Variants in TIMM44 observed in about 807,000 individuals in gnomAD.
TIMM44 encodes the protein translocase of inner mitochondrial membrane 44, also known as mitochondrial import inner membrane translocase subunit TIM44.
In TIMM44, 37 loss-of-function variants were observed where a neutral mutation model predicts 63.8. That is an observed-to-expected ratio of 0.58 (90% CI 0.45 to 0.76). The LOEUF (loss-of-function observed/expected upper bound fraction) is 0.76, where lower values mean the gene tolerates loss of function less well. Among genes scored for constraint, TIMM44 ranks in the 30% least tolerant of loss-of-function variants. The pLI is 0.00. For synonymous variants in TIMM44, 239 were observed against 245.1 expected (o/e 0.98, Z 0.23); for missense variants, 573 against 603.8 (o/e 0.95, Z 0.54).
intron 2 of TIMM44, among the ~76,000 whole-genome samples, chr19:7,940,173 C>T (rs1173035935): frequency 6.6e-6 from 1 of 150,380 alleles, no homozygotes; most frequent in African/African-American, 2.5e-5. Flanking sequence ...TTCAAGGCTG[C>T]AGTGAGCCGT....
rs773896895 is a variant in TIMM44 at position 7,934,079 on chromosome 19, C to A, written c.543+10G>T. ...CCAGGCTGCATGCCCTAGCCCAGGA[C>A]TGGGCTCACCTGGGAGAGGGCTCTG... On this transcript the variant is annotated intron_variant, in intron 5 of 12. Transcript: ENST00000270538. This position sits in a 1 kb window ranked among gnomAD's most constrained non-coding sequence, Gnocchi z 5.3. The A allele has an allele frequency of 1.9e-6, 3 of 1,613,286 alleles. No individual in the cohort carries two copies. The highest frequency in any genetic ancestry group is 2.5e-6 in the Non-Finnish European group (3 of 1,179,980).
chr19:7,935,006 T>TCCAGCGGCCAGGGGACTTTGATGGCC, intron 4 of TIMM44, 59 bp downstream of exon 4: 1 of 1,513,082 alleles, frequency 6.6e-7, no homozygotes, highest in Admixed American at 1.8e-5. Flanking sequence ...TCCTCCAGCC[T>TCCAGCGGCCAGGGGACTTTGATGGCC]CCAGCGGCCA....
Position 7,928,178 on chromosome 19 carries a change from G to A in TIMM44, c.1039-12C>T. On this transcript the variant is annotated splice_polypyrimidine_tract_variant and intron_variant, in intron 10 of 12. Coordinates refer to ENST00000270538, the MANE Select transcript of TIMM44 (RefSeq NM_006351.4). ...AGCTGGCTGTAAGTCTGCAATGAGAGGCCGACACGCCTGCGTGATGCCACC... is the reference window on the plus strand; with the variant it reads ...AGCTGGCTGTAAGTCTGCAATGAGAAGCCGACACGCCTGCGTGATGCCACC... 1.2e-6 allele frequency: 2 copies of A among 1,611,546 alleles called. No individual in the cohort carries two copies. The highest frequency in any genetic ancestry group is 1.1e-5 in the South Asian group (1 of 90,814).
chr19:7,941,101 C>A lies in TIMM44; in HGVS notation c.141+1G>T, dbSNP rs1402253570. On this transcript the variant is annotated splice_donor_variant, in intron 2 of 12. Transcript: ENST00000270538. LOFTEE classifies it high-confidence loss of function. Reference sequence around the variant, plus strand: ...TGGCCCGAGCATCCTGAGTCACTCACCAGTGGCAGCTCTCCGCCCGGCCGG... The same window carrying A: ...TGGCCCGAGCATCCTGAGTCACTCAACAGTGGCAGCTCTCCGCCCGGCCGG... 2 of 1,613,504 alleles carry A rather than the reference C, an allele frequency of 1.2e-6. No homozygotes were observed. Among genetic ancestry groups the A allele is most frequent in the Non-Finnish European group, 1.7e-6 (2 of 1,179,562 alleles).
chr19:7,927,899 G>A (rs879308941), intron 11 of TIMM44, 132 bp from the exon 12 acceptor site: 176 of 1,124,276 alleles, frequency 1.6e-4, no homozygotes, highest in Non-Finnish European at 1.9e-4. Context: ...CCCTCCCCGT[G>A]GGCCTTGCCT....
In TIMM44 at chr19:7,934,477, TGAGCACACCGGC is replaced by T. The variant is rs1568296712; in HGVS notation, c.394-251_394-240del. ...GAGCACACCGGCACCCCCAGAGCCA[TGAGCACACCGGC>T]ACCCCCAGAGCCATGAGCACACCGC... On this transcript the variant is annotated intron_variant, in intron 4 of 12. Transcript: ENST00000270538. This position sits in a 1 kb window ranked among gnomAD's most constrained non-coding sequence, Gnocchi z 5.3. Among the ~76,000 whole-genome samples the T allele has an allele frequency of 7.7e-6, 1 of 130,672 alleles. No homozygotes were observed. Among genetic ancestry groups the T allele is most frequent in the African/African-American group, 2.7e-5 (1 of 37,148 alleles). 85.7% of individuals were successfully genotyped at this position (130,672 alleles called of 152,430 possible).
At chr19:7,940,271 G>A (rs1012467673) in intron 2 of TIMM44, among the ~76,000 whole-genome samples, 2 of 151,760 alleles carry the variant, frequency 1.3e-5, no homozygotes, top group Non-Finnish European at 2.9e-5. Flanking sequence ...CCCAGGACAG[G>A]TGGCCAGGCC....
intron 1 of TIMM44, among the ~76,000 whole-genome samples, chr19:7,941,449 G>A (rs1004178113): frequency 4.6e-5 from 7 of 151,790 alleles, no homozygotes; most frequent in South Asian, 2.1e-4. Context: ...CATCACATCC[G>A]GCTAATATTT....
intron 9 of TIMM44, chr19:7,932,423 G>A (rs1984012276): frequency 1.6e-6 from 1 of 644,272 alleles, no homozygotes; most frequent in Non-Finnish European, 2.7e-6. Flanking sequence ...AGGTACCGGA[G>A]GTGCCGGTAA....
chr19:7,929,683 C>T (rs904447130), intron 10 of TIMM44, among the ~76,000 whole-genome samples: 5 of 151,176 alleles, frequency 3.3e-5, no homozygotes, highest in Admixed American at 3.3e-4. Context: ...CCCCACTTGA[C>T]TCCCAGCCCC....
chr19:7,934,060 T>G lies in TIMM44; in HGVS notation c.543+29A>C. On this transcript the variant is annotated intron_variant, in intron 5 of 12. Transcript: ENST00000270538. This position sits in a 1 kb window ranked among gnomAD's most constrained non-coding sequence, Gnocchi z 5.3. ...GTGTCTGGGTTCGGCCGCCCCAGGC[T>G]GCATGCCCTAGCCCAGGACTGGGCT... 1 of 1,613,364 alleles carries G rather than the reference T, an allele frequency of 6.2e-7. No homozygotes were observed. The highest frequency in any genetic ancestry group is 8.5e-7 in the Non-Finnish European group (1 of 1,179,984).
rs561058289 is a variant in TIMM44 at position 7,933,275 on chromosome 19, T to C, written c.769+210A>G. ...GGGCCTGCGGCTCGTTTCGGGGCCC[T>C]GACTGTGCTTATGAGGGAGCACCTG... is the stretch of plus-strand genomic sequence containing the variant. On this transcript the variant is annotated intron_variant, in intron 7 of 12. Transcript: ENST00000270538. The surrounding 1 kb of genome is among the most constrained non-coding windows in gnomAD (Gnocchi z 4.3). 3.9e-5 allele frequency among the ~76,000 whole-genome samples: 6 copies of C among 152,252 alleles called. No homozygotes were observed. The East Asian group carries it at 9.7e-4, about 25-fold the overall frequency.
At chr19:7,942,014 G>A (rs1371654501) in intron 1 of TIMM44, among the ~76,000 whole-genome samples, 1 of 152,178 alleles carries the variant, frequency 6.6e-6, no homozygotes, top group Non-Finnish European at 1.5e-5. Flanking sequence ...GAGTAATTTA[G>A]GGGAGTCGCT....
At position 7,932,607 on chromosome 19, in the gene TIMM44, C is replaced by T. The variant is rs768769645; in HGVS notation, c.987+20G>A. 26 of 1,612,018 alleles carry T rather than the reference C, an allele frequency of 1.6e-5. No homozygotes were observed. The Middle Eastern group carries it at 6.0e-4, about 37-fold the overall frequency. On this transcript the variant is annotated intron_variant, in intron 9 of 12. Transcript: ENST00000270538. Reference sequence around the variant, plus strand: ...CCAGGACCTGCCGCCTGGGAGGGGTCCTGGGGGTGTGGCACCCACCTCCAG... The same window carrying T: ...CCAGGACCTGCCGCCTGGGAGGGGTTCTGGGGGTGTGGCACCCACCTCCAG...
chr19:7,933,043 G>C lies in TIMM44; in HGVS notation c.770-111C>G. On this transcript the variant is annotated intron_variant, in intron 7 of 12. Transcript: ENST00000270538. The surrounding 1 kb of genome is among the most constrained non-coding windows in gnomAD (Gnocchi z 4.3). ...CCCTGCGGGATCCACCCTGACACGG[G>C]TGGGGTCAGGGAGGGGACGGCTGTG... 1 of 875,424 alleles carries C rather than the reference G, an allele frequency of 1.1e-6. No individual in the cohort carries two copies. The highest frequency in any genetic ancestry group is 1.9e-6 in the Non-Finnish European group (1 of 537,100). The allele number at this position is 875,424 out of a possible 1,614,324, so 54.2% of individuals were successfully genotyped here.
chr19:7,931,102 TAA>T (rs58157552), intron 10 of TIMM44, 34 bp downstream of exon 10: 912 of 1,384,386 alleles, frequency 6.6e-4, no homozygotes, highest in Admixed American at 1.5e-3. Flanking sequence ...TTTTAGGCCT[TAA>T]AAAAAAAAAA....
chr19:7,928,923 C>CAAAAAAAAAAAAAAAAAAACA, intron 10 of TIMM44: 1 of 70,088 alleles, frequency 1.4e-5, no homozygotes, highest in Non-Finnish European at 2.6e-5. Flanking sequence ...AACAAAAAAC[C>CAAAAAAAAAAAAAAAAAAACA]AAAAAAAAAA....
intron 1 of TIMM44, 144 bp from the exon 2 acceptor site, chr19:7,941,341 G>A (rs1984305485): frequency 1.5e-6 from 1 of 684,166 alleles, no homozygotes; most frequent in Non-Finnish European, 2.6e-6. Context: ...AGGCTAGAGT[G>A]CAGTGCTGCG....
At chr19:7,929,210 G>A (rs191918526) in intron 10 of TIMM44, among the ~76,000 whole-genome samples, 103 of 152,312 alleles carry the variant, frequency 6.8e-4, no homozygotes, top group Non-Finnish European at 1.2e-3. Context: ...GACTCGGGCA[G>A]GGACAGGGAG....
Sources: gnomAD v4.1 joint callset for allele counts (sites outside exome capture counted in the v4.1 genomes callset) on GRCh38, gnomAD v4.1.1 for gene constraint, Gnocchi (gnomAD v3.1) non-coding constraint, MANE v1.5 for transcripts, NCBI Gene and HGNC (gene_info 2026-07-23, HGNC 2026-07-21) for gene names.